Variants in RGS7 observed in about 807,000 individuals in gnomAD.
RGS7 encodes regulator of G protein signaling 7.
RGS7 carries 27 observed loss-of-function variants against 81.1 expected under a neutral mutation model. That is an observed-to-expected ratio of 0.33 (90% CI 0.25 to 0.46). RGS7 has a LOEUF of 0.46. RGS7 is among the 20% of genes least tolerant of loss of function. The pLI, the probability that RGS7 is intolerant of heterozygous loss-of-function variation, is 1.00. For missense variants in RGS7, 396 were observed against 607.4 expected, an observed-to-expected ratio of 0.65 and a Z score of 3.66; for synonymous variants, 208 against 207.7, an observed-to-expected ratio of 1.00 and a Z score of -0.01.
At chr1:240,776,351 C>A in intron 18 of RGS7, 138 bp from the exon 19 acceptor site, 1 of 710,100 alleles carries the variant, frequency 1.4e-6, no homozygotes, top group South Asian at 1.5e-5. Flanking sequence ...CATCTTAGTT[C>A]AAACCTCATG....
At chr1:241,190,276 T>C (rs1397688215) in intron 2 of RGS7, among the ~76,000 whole-genome samples, 1 of 152,200 alleles carries the variant, frequency 6.6e-6, no homozygotes, top group East Asian at 1.9e-4. Flanking sequence ...TATCACATTA[T>C]TTTTCTTTTC....
At chr1:241,004,250 C>A (rs927231569) in intron 3 of RGS7, among the ~76,000 whole-genome samples, 6 of 152,142 alleles carry the variant, frequency 3.9e-5, no homozygotes, top group African/African-American at 1.2e-4. Context: ...CAGTTGCCAT[C>A]CCCAGCCTTT....
intron 3 of RGS7, among the ~76,000 whole-genome samples, chr1:241,031,846 A>AG (rs140990372): frequency 0.2 from 29,637 of 151,916 alleles, 3,955 homozygotes; most frequent in African/African-American, 0.37. Flanking sequence ...GTCATCGTTG[A>AG]TTATTTAAGT....
intron 2 of RGS7, among the ~76,000 whole-genome samples, chr1:241,345,778 G>A (rs908301270): frequency 1.3e-5 from 2 of 152,100 alleles, no homozygotes; most frequent in Non-Finnish European, 2.9e-5. Flanking sequence ...AGCACTTTGG[G>A]AGGCCGAGGT....
At chr1:240,956,783 C>A (rs531326678) in intron 4 of RGS7, among the ~76,000 whole-genome samples, 3 of 151,948 alleles carry the variant, frequency 2.0e-5, no homozygotes, top group African/African-American at 7.2e-5. Context: ...GGTTTTCTGA[C>A]GTGATGACAA....
intron 2 of RGS7, among the ~76,000 whole-genome samples, chr1:241,284,832 A>G (rs1053826019): frequency 1.3e-5 from 2 of 151,896 alleles, no homozygotes; most frequent in Non-Finnish European, 2.9e-5. Context: ...TAAAGTGGTT[A>G]TTATCCAAAA....
At chr1:241,148,074 C>T (rs1244062457) in intron 2 of RGS7, among the ~76,000 whole-genome samples, 4 of 111,236 alleles carry the variant, frequency 3.6e-5, no homozygotes, top group Admixed American at 1.1e-4. Flanking sequence ...TTTTTTGAGA[C>T]GGAGTCTCAC....
chr1:241,308,286 T>C (rs1050640545), intron 2 of RGS7, among the ~76,000 whole-genome samples: 3 of 152,192 alleles, frequency 2.0e-5, no homozygotes, highest in African/African-American at 7.2e-5. Flanking sequence ...AGAATAGAAG[T>C]AGTCATGATT....
rs1368131212 is a variant in RGS7 at position 241,164,732 on chromosome 1, C to A, written c.79-65970G>T. Among the ~76,000 whole-genome samples the A allele has an allele frequency of 6.6e-6, 1 of 152,154 alleles. No homozygotes were observed. The highest frequency in any genetic ancestry group is 1.5e-5 in the Non-Finnish European group (1 of 68,020). Reference sequence around the variant, plus strand: ...ACTGCGCAGGCCAACAAAACACATCCCCTACTCAGATTCTGCGCATGGGCC... The same window carrying A: ...ACTGCGCAGGCCAACAAAACACATCACCTACTCAGATTCTGCGCATGGGCC... On this transcript the variant is annotated intron_variant, in intron 2 of 18. Coordinates refer to ENST00000440928, the MANE Select transcript of RGS7 (RefSeq NM_001364886.1). The surrounding 1 kb of genome is among the most constrained non-coding windows in gnomAD (Gnocchi z 4.1).
At position 240,890,612 on chromosome 1, in the gene RGS7, AGTT is replaced by A. The variant is rs151081816; in HGVS notation, c.386-20496_386-20494del. Reference sequence around the variant, plus strand: ...TAGTAACAGCAACAATAATAATAATAGTTAACATTTCACTAGCATTTGCCATGT... The same window carrying A: ...TAGTAACAGCAACAATAATAATAATAAACATTTCACTAGCATTTGCCATGT... On this transcript the variant is annotated intron_variant, in intron 6 of 18. Coordinates refer to ENST00000440928, the MANE Select transcript of RGS7 (RefSeq NM_001364886.1). 7.2e-3 allele frequency among the ~76,000 whole-genome samples: 1,096 copies of A among 152,050 alleles called. 11 individuals carry two copies. The highest frequency in any genetic ancestry group is 0.024 in the African/African-American group (997 of 41,474).
At chr1:240,996,937 A>C (rs1687384523) in intron 3 of RGS7, among the ~76,000 whole-genome samples, 3 of 151,460 alleles carry the variant, frequency 2.0e-5, no homozygotes, top group Non-Finnish European at 4.4e-5. Context: ...AATCCATTTC[A>C]ATTTTCTAAG....
chr1:241,038,534 T>C (rs1233274662), intron 3 of RGS7, among the ~76,000 whole-genome samples: 1 of 152,198 alleles, frequency 6.6e-6, no homozygotes, highest in African/African-American at 2.4e-5. Context: ...ATTGCTGACA[T>C]AGGGAGCTGA....
intron 2 of RGS7, among the ~76,000 whole-genome samples, chr1:241,320,094 A>T (rs2081124326): frequency 6.6e-6 from 1 of 152,222 alleles, no homozygotes; most frequent in Admixed American, 6.5e-5. Flanking sequence ...CCACGTAAAG[A>T]AAAGAAAAAA....
Position 240,802,291 on chromosome 1 carries a change from T to A in RGS7, c.1359+613A>T, listed in dbSNP as rs1269564789. Among the ~76,000 whole-genome samples the A allele has an allele frequency of 2.0e-5, 3 of 152,272 alleles. No homozygotes were observed. In the East Asian group the frequency reaches 5.8e-4, roughly 29 times the overall value. The stretch of plus-strand genomic sequence containing the variant: ...CCTGTTATATTGATTACATAAGGAG[T>A]TATGAACAGAGAGACATTGATTATT... On this transcript the variant is annotated intron_variant, in intron 16 of 18. Transcript: ENST00000440928.
chr1:241,027,302 G>A (rs2059843100), intron 3 of RGS7, among the ~76,000 whole-genome samples: 1 of 152,068 alleles, frequency 6.6e-6, no homozygotes, highest in Non-Finnish European at 1.5e-5. Context: ...CTTGGGAAGT[G>A]AGCAGAGATT....
At chr1:241,063,367 T>A (rs550546925) in intron 3 of RGS7, among the ~76,000 whole-genome samples, 180 of 152,228 alleles carry the variant, frequency 1.2e-3, no homozygotes, top group African/African-American at 4.0e-3. Context: ...TACTCAATAG[T>A]CTCCTCTAAA....
intron 3 of RGS7, among the ~76,000 whole-genome samples, chr1:241,082,131 C>T (rs2063170079): frequency 6.6e-6 from 1 of 152,140 alleles, no homozygotes; most frequent in African/African-American, 2.4e-5. Flanking sequence ...GTCGATACAC[C>T]TGAGTTACTT....
In RGS7 at chr1:241,206,010, T is replaced by C. The variant is rs2073856987; in HGVS notation, c.79-107248A>G. On this transcript the variant is annotated intron_variant, in intron 2 of 18. Coordinates refer to ENST00000440928, the MANE Select transcript of RGS7 (RefSeq NM_001364886.1). ...GTAATTTCGTAAGTGTTTTTTTTTTTTACATTTATGCCCCCATGTTTAACC... is the reference window on the plus strand; with the variant it reads ...GTAATTTCGTAAGTGTTTTTTTTTTCTACATTTATGCCCCCATGTTTAACC... 2.0e-5 allele frequency among the ~76,000 whole-genome samples: 3 copies of C among 152,102 alleles called. No homozygotes were observed. The Middle Eastern group carries it at 0.01, about 517-fold the overall frequency.
At chr1:241,352,926 T>C (rs1322252944) in intron 2 of RGS7, among the ~76,000 whole-genome samples, 1 of 152,168 alleles carries the variant, frequency 6.6e-6, no homozygotes, top group Non-Finnish European at 1.5e-5. Context: ...ATATCTTGAG[T>C]GTGTGTAAAT....
Sources: allele counts gnomAD v4.1 joint callset (sites outside exome capture counted in the v4.1 genomes callset), GRCh38; gene constraint gnomAD v4.1.1; non-coding constraint Gnocchi (gnomAD v3.1); transcripts MANE v1.5; gene names NCBI Gene and HGNC (gene_info 2026-07-23, HGNC 2026-07-21).